Variants in THSD4 observed in about 807,000 individuals in gnomAD.
THSD4 encodes the protein thrombospondin type-1 domain-containing protein 4.
A neutral mutation model predicts 119.0 loss-of-function variants in THSD4; 69 were observed. The ratio of observed to expected loss-of-function variants is 0.58; its 90% confidence interval spans 0.48 to 0.71. The LOEUF (loss-of-function observed/expected upper bound fraction) is 0.71. Ranked by LOEUF, THSD4 falls within the 30% of genes least tolerant of loss-of-function variation. The pLI, the probability that THSD4 is intolerant of heterozygous loss-of-function variation, is 0.00. For missense variants in THSD4, 1,393 were observed against 1,391.1 expected, an observed-to-expected ratio of 1.00 and a Z score of -0.02; for synonymous variants, 524 against 540.4, an observed-to-expected ratio of 0.97 and a Z score of 0.42.
At chr15:71,639,293 T>C (rs541099539) in intron 7 of THSD4, among the ~76,000 whole-genome samples, 145 of 152,222 alleles carry the variant, frequency 9.5e-4, no homozygotes, top group Non-Finnish European at 1.7e-3. Context: ...TAAATCCTGG[T>C]AGCTTGCATG....
At chr15:71,512,379 G>T (rs1457968134) in intron 7 of THSD4, among the ~76,000 whole-genome samples, 2 of 152,142 alleles carry the variant, frequency 1.3e-5, no homozygotes, top group African/African-American at 2.4e-5. Context: ...GCATTGCAAA[G>T]GTTGAACCAC....
chr15:71,340,676 G>C (rs1016102848), intron 6 of THSD4, among the ~76,000 whole-genome samples: 1 of 141,684 alleles, frequency 7.1e-6, no homozygotes, highest in African/African-American at 2.7e-5. Context: ...TGCAATCTCT[G>C]CTTGCTGCAA....
At chr15:71,389,646 T>C (rs2046345426) in intron 6 of THSD4, among the ~76,000 whole-genome samples, 1 of 152,060 alleles carries the variant, frequency 6.6e-6, no homozygotes, top group Admixed American at 6.6e-5. Flanking sequence ...CTTTGAGGTA[T>C]ATACAAAGTA....
intron 6 of THSD4, among the ~76,000 whole-genome samples, chr15:71,275,825 G>A (rs1011819510): frequency 2.0e-5 from 3 of 152,096 alleles, no homozygotes; most frequent in African/African-American, 4.8e-5. Context: ...TTGGTGCATC[G>A]CCTTACTGCC....
intron 8 of THSD4, among the ~76,000 whole-genome samples, chr15:71,700,449 C>A (rs903207722): frequency 6.6e-5 from 10 of 151,998 alleles, no homozygotes; most frequent in African/African-American, 2.2e-4. Context: ...AATGACAAAA[C>A]AACATATTTC....
intron 2 of THSD4, among the ~76,000 whole-genome samples, chr15:71,142,874 G>A (rs1199104538): frequency 1.3e-5 from 2 of 152,200 alleles, no homozygotes. Context: ...ACTTATAACA[G>A]AAAGTAAAAT....
intron 8 of THSD4, among the ~76,000 whole-genome samples, chr15:71,713,814 G>A (rs780929981): frequency 1.4e-4 from 22 of 152,282 alleles, no homozygotes; most frequent in Admixed American, 3.9e-4. Flanking sequence ...TAAAGGGAAA[G>A]CATTGATGTT....
rs1019606210 is a variant in THSD4 at position 71,629,923 on chromosome 15, C to T, written c.1153-30607C>T. The stretch of plus-strand genomic sequence containing the variant: ...GGCTTGGCTCTGGAACCCTTGGAGG[C>T]GCCTTTGTACCCGCAAGCCACGTGG... On this transcript the variant is annotated intron_variant, in intron 7 of 17. Coordinates refer to ENST00000261862, the MANE Select transcript of THSD4 (RefSeq NM_024817.3). 3.9e-5 allele frequency among the ~76,000 whole-genome samples: 6 copies of T among 152,294 alleles called. No individual in the cohort carries two copies. In the South Asian group the frequency reaches 8.3e-4, roughly 21 times the overall value.
rs1405747680 is a variant in THSD4 at position 71,416,999 on chromosome 15, T to C, written c.1152+5176T>C. Reference sequence around the variant, plus strand: ...TGGTCTTGATCTCCTGACCTCATGATCCGCCTGCCTCAGCCTCCCAAAGTG... The same window carrying C: ...TGGTCTTGATCTCCTGACCTCATGACCCGCCTGCCTCAGCCTCCCAAAGTG... On this transcript the variant is annotated intron_variant, in intron 7 of 17. Transcript: ENST00000261862. 1.3e-4 allele frequency among the ~76,000 whole-genome samples: 14 copies of C among 108,108 alleles called. 5 individuals carry two copies. The highest frequency in any genetic ancestry group is 4.4e-4 in the African/African-American group (14 of 31,620). The allele number at this position is 108,108 out of a possible 152,430, so 70.9% of individuals were successfully genotyped here.
intron 8 of THSD4, among the ~76,000 whole-genome samples, chr15:71,687,784 C>G (rs1209662092): frequency 7.1e-6 from 1 of 141,396 alleles, no homozygotes; most frequent in East Asian, 2.2e-4. Context: ...AAACCAGCAC[C>G]TCAGAAATTC....
intron 7 of THSD4, among the ~76,000 whole-genome samples, chr15:71,623,662 C>A (rs963894949): frequency 2.0e-5 from 3 of 152,160 alleles, no homozygotes; most frequent in African/African-American, 2.4e-5. Context: ...GTGGCTCACG[C>A]CTGTAATCCC....
At chr15:71,301,869 A>G (rs1401147686) in intron 6 of THSD4, among the ~76,000 whole-genome samples, 1 of 152,166 alleles carries the variant, frequency 6.6e-6, no homozygotes, top group Non-Finnish European at 1.5e-5. Flanking sequence ...AGCATCACTC[A>G]GTCTTTGCAG....
At chr15:71,236,221 C>T (rs1240958188) in intron 4 of THSD4, among the ~76,000 whole-genome samples, 3 of 152,158 alleles carry the variant, frequency 2.0e-5, no homozygotes, top group Non-Finnish European at 2.9e-5. Flanking sequence ...AGCCTGGCTC[C>T]GGAGGGCGGG....
At chr15:71,159,699 G>A (rs1029998249) in intron 3 of THSD4, among the ~76,000 whole-genome samples, 3 of 151,860 alleles carry the variant, frequency 2.0e-5, no homozygotes, top group Admixed American at 1.3e-4. Flanking sequence ...GAGTCTTTAG[G>A]GTTTTCTGTA....
chr15:71,280,845 G>A (rs1413511977), intron 6 of THSD4, among the ~76,000 whole-genome samples: 1 of 152,158 alleles, frequency 6.6e-6, no homozygotes, highest in Non-Finnish European at 1.5e-5. Flanking sequence ...CGCTGTGAAT[G>A]GACTACATTA....
intron 1 of THSD4, among the ~76,000 whole-genome samples, chr15:71,125,786 A>AC (rs1214695451): frequency 6.6e-6 from 1 of 152,260 alleles, no homozygotes; most frequent in Non-Finnish European, 1.5e-5. Flanking sequence ...ATGGAAGACC[A>AC]CCAGCCCCGA....
intron 7 of THSD4, among the ~76,000 whole-genome samples, chr15:71,468,935 A>C (rs1306602512): frequency 6.6e-6 from 1 of 152,246 alleles, no homozygotes; most frequent in Non-Finnish European, 1.5e-5. Context: ...ACACCTAGTT[A>C]CAAAGTAGAC....
chr15:71,476,309 G>T (rs1268032476), intron 7 of THSD4, among the ~76,000 whole-genome samples: 1 of 152,184 alleles, frequency 6.6e-6, no homozygotes, highest in Non-Finnish European at 1.5e-5. Flanking sequence ...TTGGCTCACT[G>T]CAGCCTCCGC....
chr15:71,512,786 C>T (rs1421324817), intron 7 of THSD4, among the ~76,000 whole-genome samples: 1 of 151,990 alleles, frequency 6.6e-6, no homozygotes, highest in Non-Finnish European at 1.5e-5. Flanking sequence ...CCCAGCAGGA[C>T]AGAGCAACTG....
Sources: allele counts gnomAD v4.1 joint callset (sites outside exome capture counted in the v4.1 genomes callset), GRCh38; gene constraint gnomAD v4.1.1; transcripts MANE v1.5; gene names NCBI Gene and HGNC (gene_info 2026-07-23, HGNC 2026-07-21).